Variants in ZNF469 observed in about 807,000 individuals in gnomAD.
The protein encoded by ZNF469 is zinc finger protein 469.
Under a neutral mutation model 1.0 loss-of-function variants are expected in ZNF469, and 1 was observed. The observed-to-expected ratio is 1.00, with a 90% CI of 0.35 to 4.73. ZNF469 has a LOEUF of 4.73. Among genes scored for constraint, ZNF469 ranks in the 30% most tolerant of loss-of-function variants. The pLI is 0.16. For missense variants in ZNF469, 6,100 were observed against 5,356.3 expected (o/e 1.14, Z -4.33); for synonymous variants, 2,703 against 2,363.4 (o/e 1.14, Z -4.17).
the ZNF469 span, among the ~76,000 whole-genome samples, chr16:88,360,901 T>G: frequency 3.5e-3 from 527 of 152,208 alleles, 7 homozygotes; most frequent in South Asian, 0.026. Flanking sequence ...TGGAAGATAA[T>G]TTTTTCATGG....
Position 88,432,690 on chromosome 16 carries a change from G to C in ZNF469, c.5220G>C (p.Lys1740Asn). Residue 1740 changes from lysine to asparagine, a missense_variant, in exon 3 of 3, where the codon AAG (lysine) becomes AAC (asparagine). Transcript: ENST00000565624. ...GPQLDAGSLA[K>N]CSPDQELSFP... ...AGCTGGATGCCGGGAGTTTAGCAAA[G>C]TGCAGCCCCGACCAGGAACTTTCAT... The C allele has an allele frequency of 1.3e-6, 2 of 1,550,432 alleles. No homozygotes were observed. Among genetic ancestry groups the C allele is most frequent in the East Asian group, 2.4e-5 (1 of 40,928 alleles).
Position 88,433,957 on chromosome 16 carries a change from C to T in ZNF469, c.6487C>T (p.Gln2163Ter), listed in dbSNP as rs1906384203. The T allele has an allele frequency of 2.6e-6, 4 of 1,550,256 alleles. No homozygotes were observed. The highest frequency in any genetic ancestry group is 1.2e-5 in the South Asian group (1 of 84,064). Residue 2163 changes from glutamine (Q) to a stop codon, truncating the protein, a stop_gained, in exon 3 of 3, where the codon CAG becomes TAG. Transcript: ENST00000565624. LOFTEE classifies it low-confidence loss of function (END_TRUNC). ...SPSCRDPPGP[Q>*]QLLACSPAWA... Reference sequence around the variant, plus strand: ...GTCCTGCAGGGACCCTCCCGGCCCCCAGCAGCTGCTGGCCTGTTCTCCTGC... The same window carrying T: ...GTCCTGCAGGGACCCTCCCGGCCCCTAGCAGCTGCTGGCCTGTTCTCCTGC...
the ZNF469 span, among the ~76,000 whole-genome samples, chr16:88,137,498 C>G: frequency 6.6e-6 from 1 of 152,168 alleles, no homozygotes; most frequent in East Asian, 1.9e-4. Context: ...GCACATATGA[C>G]CGTGTGTGCA....
At chr16:88,126,154 A>G in the ZNF469 span, among the ~76,000 whole-genome samples, 1 of 138,484 alleles carries the variant, frequency 7.2e-6, no homozygotes, top group East Asian at 2.1e-4. Flanking sequence ...GCACCGTTGC[A>G]CTCCAGCCTG....
chr16:88,281,369 A>G, the ZNF469 span, among the ~76,000 whole-genome samples: 1 of 150,484 alleles, frequency 6.6e-6, no homozygotes, highest in South Asian at 2.1e-4. Flanking sequence ...ATGCTCAGTC[A>G]GTACCATGTA....
chr16:88,174,836 C>G, the ZNF469 span, among the ~76,000 whole-genome samples: 1 of 152,078 alleles, frequency 6.6e-6, no homozygotes, highest in Non-Finnish European at 1.5e-5. Flanking sequence ...GGCTACTGGT[C>G]AACAGTAGGC....
the ZNF469 span, among the ~76,000 whole-genome samples, chr16:88,130,181 C>T: frequency 2.1e-3 from 326 of 152,258 alleles, 4 homozygotes; most frequent in African/African-American, 7.5e-3. Flanking sequence ...CTTGCAGCAT[C>T]GGGGTGCGTG....
chr16:88,224,394 G>A, the ZNF469 span, among the ~76,000 whole-genome samples: 1 of 152,226 alleles, frequency 6.6e-6, no homozygotes. Context: ...CACTGTTGGC[G>A]CGGATGAGGT....
chr16:88,266,227 C>G, the ZNF469 span, among the ~76,000 whole-genome samples: 2 of 152,262 alleles, frequency 1.3e-5, no homozygotes, highest in African/African-American at 4.8e-5. Flanking sequence ...CACTGGGAGG[C>G]CGGGTTCACG....
the ZNF469 span, among the ~76,000 whole-genome samples, chr16:88,123,655 G>T: frequency 6.6e-6 from 1 of 151,200 alleles, no homozygotes; most frequent in African/African-American, 2.5e-5. Flanking sequence ...CAAAGGGGTC[G>T]TCCCCCCCAG....
the ZNF469 span, among the ~76,000 whole-genome samples, chr16:88,230,080 C>T: frequency 2.0e-5 from 3 of 152,338 alleles, no homozygotes; most frequent in South Asian, 2.1e-4. Flanking sequence ...CCTTTCCCTC[C>T]GGTCCTCATC....
chr16:88,393,745 A>G (rs1904552992), intron 1 of ZNF469, among the ~76,000 whole-genome samples: 1 of 152,246 alleles, frequency 6.6e-6, no homozygotes. Flanking sequence ...GACAACCAGC[A>G]AGGCTGGCAA....
the ZNF469 span, among the ~76,000 whole-genome samples, chr16:88,330,241 G>A: frequency 2.0e-4 from 31 of 152,344 alleles, no homozygotes; most frequent in African/African-American, 5.8e-4. Context: ...TCCTGTGGGC[G>A]TCCTGTGAGT....
At chr16:88,303,250 T>A in the ZNF469 span, among the ~76,000 whole-genome samples, 1 of 152,258 alleles carries the variant, frequency 6.6e-6, no homozygotes, top group Non-Finnish European at 1.5e-5. Flanking sequence ...GGTGATCATT[T>A]ATTAATTAAT....
the ZNF469 span, among the ~76,000 whole-genome samples, chr16:88,341,344 C>T: frequency 0.019 from 2,941 of 152,254 alleles, 87 homozygotes; most frequent in South Asian, 0.1. Context: ...TGGGAACATG[C>T]GTTTGGAATC....
chr16:88,428,289 C>T lies in ZNF469; in HGVS notation c.819C>T (p.Phe273=), dbSNP rs778467047. The stretch of plus-strand genomic sequence containing the variant: ...GCGGCAGCCCCAGGGGAGTTTCCTT[C>T]CAGTTCCCCTTCCCGGCACTGCATG... ...RPGGSPRGVS[F]QFPFPALHGA... The change falls in exon 3 of 3, where the codon TTC becomes TTT. Residue 273 remains phenylalanine (F), a synonymous_variant. Coordinates refer to ENST00000565624, the MANE Select transcript of ZNF469 (RefSeq NM_001367624.2). The T allele has an allele frequency of 3.5e-5, 54 of 1,550,284 alleles. No individual in the cohort carries two copies. The highest frequency in any genetic ancestry group is 4.6e-5 in the Non-Finnish European group (53 of 1,146,954).
chr16:88,277,447 G>A, the ZNF469 span, among the ~76,000 whole-genome samples: 6 of 117,850 alleles, frequency 5.1e-5, no homozygotes, highest in East Asian at 5.0e-4. Flanking sequence ...CCACACTGAC[G>A]CTTGGTCAGT....
At chr16:88,356,528 G>C in the ZNF469 span, among the ~76,000 whole-genome samples, 1 of 151,914 alleles carries the variant, frequency 6.6e-6, no homozygotes, top group African/African-American at 2.4e-5. Context: ...GTGTATTGCC[G>C]TGTGCCTGTG....
chr16:88,379,867 G>A (rs527938376), upstream of ZNF469, among the ~76,000 whole-genome samples: 18 of 152,282 alleles, frequency 1.2e-4, no homozygotes, highest in African/African-American at 4.1e-4. Flanking sequence ...CCCACCTCGC[G>A]GGGTTGTCAG....
Sources: gnomAD v4.1 joint callset for allele counts (sites outside exome capture counted in the v4.1 genomes callset) on GRCh38, gnomAD v4.1.1 for gene constraint, MANE v1.5 for transcripts, NCBI Gene and HGNC (gene_info 2026-07-23, HGNC 2026-07-21) for gene names.